The following TMEM87B variants were observed in gnomAD, a reference collection of about 807,000 sequenced individuals.
TMEM87B encodes the protein transmembrane protein 87B.
A neutral mutation model predicts 80.3 loss-of-function variants in TMEM87B; 83 were observed. The observed-to-expected ratio is 1.03, with a 90% CI of 0.87 to 1.24. The LOEUF is 1.24. Ranked by LOEUF, TMEM87B falls within the 50% of genes most tolerant of loss-of-function variation. TMEM87B has a pLI of 0.00. For synonymous variants in TMEM87B, 219 were observed against 230.5 expected (o/e 0.95, Z 0.45); for missense variants, 625 against 674.4 (o/e 0.93, Z 0.81).
intron 1 of TMEM87B, 134 bp downstream of exon 1, chr2:112,055,890 C>T (rs556161925): frequency 3.4e-6 from 4 of 1,192,904 alleles, no homozygotes; most frequent in Admixed American, 4.0e-5. Flanking sequence ...CCTCCCTGAG[C>T]CTTTTGTCTG....
Position 112,107,900 on chromosome 2 carries a change from G to A in TMEM87B, c.1577+60G>A, listed in dbSNP as rs1573728386. On this transcript the variant is annotated intron_variant, in intron 17 of 18. Transcript: ENST00000283206. ...TTTAGGCTGTAGTTTAAAAGGGATC[G>A]TTCTCATCCTTTGTCATGTGCTTTT... 1.3e-5 allele frequency: 16 copies of A among 1,185,764 alleles called. 1 individual carries two copies. The highest frequency in any genetic ancestry group is 4.9e-5 in the East Asian group (2 of 40,588). 73.5% of individuals were successfully genotyped at this position (1,185,764 alleles called of 1,614,324 possible).
At chr2:112,071,316 C>T (rs976048111) in intron 4 of TMEM87B, among the ~76,000 whole-genome samples, 6 of 144,890 alleles carry the variant, frequency 4.1e-5, no homozygotes, top group African/African-American at 7.7e-5. Context: ...GCCCCCCCGC[C>T]GCCGCCACCA....
intron 11 of TMEM87B, among the ~76,000 whole-genome samples, chr2:112,092,383 G>A (rs1478884876): frequency 6.6e-6 from 1 of 152,314 alleles, no homozygotes; most frequent in Middle Eastern, 3.4e-3. Context: ...CTTGGCAGGC[G>A]GTTCAGGGAA....
At chr2:112,077,833 C>CTT (rs1276836233) in intron 6 of TMEM87B, among the ~76,000 whole-genome samples, 1 of 152,218 alleles carries the variant, frequency 6.6e-6, no homozygotes, top group Non-Finnish European at 1.5e-5. Context: ...CAAAAGTAGA[C>CTT]TTGCAATAAG....
intron 14 of TMEM87B, among the ~76,000 whole-genome samples, chr2:112,099,830 T>C (rs1019429330): frequency 6.9e-6 from 1 of 144,376 alleles, no homozygotes; most frequent in Non-Finnish European, 1.5e-5. Context: ...TGAACTGAGA[T>C]CATGCCGCTG....
intron 4 of TMEM87B, among the ~76,000 whole-genome samples, chr2:112,071,232 A>ATGGGATTGCATTCATGATTT (rs1678620416): frequency 6.6e-6 from 1 of 151,860 alleles, no homozygotes; most frequent in African/African-American, 2.4e-5. Context: ...CTGTATTCCT[A>ATGGGATTGCATTCATGATTT]TGGGATTGCA....
Position 112,097,147 on chromosome 2 carries a change from T to A in TMEM87B, c.1208T>A (p.Val403Glu), listed in dbSNP as rs776055662. ...TTTAAAAATACTCTGATCTTTGCTG[T>A]GCTGGGTAAGCTATTTAATTTTTCT... ...RHFKNTLIFA[V>E]LASIVFMGWT... Residue 403 changes from valine to glutamate, a missense_variant, in exon 12 of 19, where the codon GTG becomes GAG. Transcript: ENST00000283206. 26 of 1,599,676 alleles carry A rather than the reference T, an allele frequency of 1.6e-5. No homozygotes were observed. Among genetic ancestry groups the A allele is most frequent in the Non-Finnish European group, 2.2e-5 (26 of 1,175,010 alleles).
At chr2:112,106,800 AAT>A (rs749885701) in intron 16 of TMEM87B, among the ~76,000 whole-genome samples, 11 of 152,246 alleles carry the variant, frequency 7.2e-5, no homozygotes, top group Non-Finnish European at 1.3e-4. Flanking sequence ...CACGATAGAT[AAT>A]ATGTGAAGAC....
At chr2:112,098,467 T>C in intron 13 of TMEM87B, 128 bp from the exon 14 acceptor site, 1 of 793,466 alleles carries the variant, frequency 1.3e-6, no homozygotes, top group Non-Finnish European at 2.0e-6. Flanking sequence ...AAATATGTGC[T>C]TGTTTATTTG....
At chr2:112,061,075 A>G (rs930861372) in intron 2 of TMEM87B, among the ~76,000 whole-genome samples, 1 of 152,238 alleles carries the variant, frequency 6.6e-6, no homozygotes, top group African/African-American at 2.4e-5. Context: ...CGTAAGAAGT[A>G]AAAATTGCTG....
intron 16 of TMEM87B, among the ~76,000 whole-genome samples, chr2:112,106,361 G>T (rs577450846): frequency 6.6e-6 from 1 of 152,068 alleles, no homozygotes; most frequent in South Asian, 2.1e-4. Context: ...GGCCTACCCC[G>T]GACGCTCCTG....
At chr2:112,064,349 A>G in intron 3 of TMEM87B, 96 bp downstream of exon 3, 1 of 1,063,814 alleles carries the variant, frequency 9.4e-7, no homozygotes, top group Non-Finnish European at 1.4e-6. Flanking sequence ...AGAAATAGAG[A>G]TTACAGTTTT....
At chr2:112,089,765 A>G (rs745694149) in intron 10 of TMEM87B, 47 bp downstream of exon 10, 2 of 1,568,894 alleles carry the variant, frequency 1.3e-6, no homozygotes, top group Admixed American at 3.3e-5. Context: ...TTGCTGTGAA[A>G]TGTGGTTTTA....
intron 17 of TMEM87B, among the ~76,000 whole-genome samples, chr2:112,111,709 A>G (rs1014943417): frequency 4.6e-5 from 7 of 152,348 alleles, no homozygotes; most frequent in Admixed American, 4.6e-4. Context: ...AAATGGAACA[A>G]AAATTTTATA....
intron 5 of TMEM87B, among the ~76,000 whole-genome samples, chr2:112,076,416 T>A (rs2104470085): frequency 6.6e-6 from 1 of 152,084 alleles, no homozygotes; most frequent in Non-Finnish European, 1.5e-5. Context: ...CTCAGCTCAC[T>A]GCAACCTCCG....
chr2:112,059,874 CAGAG>C lies in TMEM87B; in HGVS notation c.166-98_166-95del, dbSNP rs1035861675. ...ATTTACGTTAAAAAAATACTCTTGT[CAGAG>C]AGAGGAGTGCAAGGCTTAGAACTCT... On this transcript the variant is annotated intron_variant, in intron 1 of 18. Transcript: ENST00000283206. 1.0e-5 allele frequency: 14 copies of C among 1,376,220 alleles called. No individual in the cohort carries two copies. In the East Asian group the frequency reaches 2.9e-4, roughly 29 times the overall value. The allele number at this position is 1,376,220 out of a possible 1,614,324, so 85.3% of individuals were successfully genotyped here.
At chr2:112,068,256 C>G (rs563451126) in intron 4 of TMEM87B, among the ~76,000 whole-genome samples, 1 of 152,192 alleles carries the variant, frequency 6.6e-6, no homozygotes, top group African/African-American at 2.4e-5. Flanking sequence ...AGCAGTCAGC[C>G]TTGGTTAGTG....
Position 112,075,940 on chromosome 2 carries a change from G to A in TMEM87B, c.501+978G>A, listed in dbSNP as rs150185751. 8.2e-4 allele frequency among the ~76,000 whole-genome samples: 125 copies of A among 152,350 alleles called. 1 individual carries two copies. The highest frequency in any genetic ancestry group is 2.8e-3 in the African/African-American group (117 of 41,584). ...GATCCAGTTATGGGAGGGCACTGGA[G>A]AATTTACAAGCATTACAGTGGGAAG... On this transcript the variant is annotated intron_variant, in intron 5 of 18. Coordinates refer to ENST00000283206, the MANE Select transcript of TMEM87B (RefSeq NM_032824.3).
At position 112,055,341 on chromosome 2, in the gene TMEM87B, C is replaced by A. The variant is rs1040547076; in HGVS notation, c.-251C>A. ...GCCAACTCCACATCCTGGCTCCTAT[C>A]TCTGCCTTCCAGGCATCTCCCAGCT... On this transcript the variant is annotated 5_prime_UTR_variant, in exon 1 of 19. Coordinates refer to ENST00000283206, the MANE Select transcript of TMEM87B (RefSeq NM_032824.3). 1.8e-5 allele frequency: 9 copies of A among 504,084 alleles called. No homozygotes were observed. In the Admixed American group the frequency reaches 2.1e-4, roughly 12 times the overall value. 31.2% of individuals were successfully genotyped at this position (504,084 alleles called of 1,614,324 possible). A position where few individuals can be genotyped will look rare whatever the true frequency, so the allele number is the denominator to read the frequency against.
Sources: gnomAD v4.1 joint callset for allele counts (sites outside exome capture counted in the v4.1 genomes callset) on GRCh38, gnomAD v4.1.1 for gene constraint, MANE v1.5 for transcripts, NCBI Gene and HGNC (gene_info 2026-07-23, HGNC 2026-07-21) for gene names.